NHSL1: variants seen among roughly 807,000 people sequenced by gnomAD.
NHSL1 encodes NHS-like protein 1.
NHSL1 carries 48 observed loss-of-function variants against 95.0 expected under a neutral mutation model. That is an observed-to-expected ratio of 0.51 (90% confidence interval 0.40 to 0.64). The LOEUF (loss-of-function observed/expected upper bound fraction) is 0.64. Among genes scored for constraint, NHSL1 ranks in the 30% least tolerant of loss-of-function variants. The pLI is 0.00. For missense variants in NHSL1, 1,971 were observed against 2,077.7 expected (o/e 0.95, Z 1.00); for synonymous variants, 783 against 833.9 (o/e 0.94, Z 1.05).
chr6:138,426,044 G>A (rs757619991), intron 7 of NHSL1, among the ~76,000 whole-genome samples: 2 of 152,172 alleles, frequency 1.3e-5, no homozygotes, highest in Non-Finnish European at 2.9e-5. Flanking sequence ...CATTGCCAGT[G>A]ACAAAGAGAT....
chr6:138,666,590 C>CAAAAAAAAAAAAA, intron 1 of NHSL1, among the ~76,000 whole-genome samples: 1 of 89,310 alleles, frequency 1.1e-5, no homozygotes, highest in Non-Finnish European at 2.2e-5. Flanking sequence ...GCCTCCATCT[C>CAAAAAAAAAAAAA]AAAAAAAAAA....
At chr6:138,653,370 A>C (rs1388164808) in intron 1 of NHSL1, among the ~76,000 whole-genome samples, 3 of 152,164 alleles carry the variant, frequency 2.0e-5, no homozygotes, top group Non-Finnish European at 4.4e-5. Context: ...CCTGGCCAAC[A>C]AGGTGAAACC....
At chr6:138,557,068 G>C (rs564421451) in intron 1 of NHSL1, among the ~76,000 whole-genome samples, 1 of 152,264 alleles carries the variant, frequency 6.6e-6, no homozygotes, top group African/African-American at 2.4e-5. Flanking sequence ...TTGAAAACTC[G>C]GAGTGATTTT....
At chr6:138,444,044 A>G (rs901133928) in intron 4 of NHSL1, among the ~76,000 whole-genome samples, 4 of 152,280 alleles carry the variant, frequency 2.6e-5, no homozygotes, top group Admixed American at 2.6e-4. Flanking sequence ...GAGGGTACAG[A>G]CTGTGATGCA....
intron 3 of NHSL1, among the ~76,000 whole-genome samples, chr6:138,461,599 G>C (rs953512171): frequency 3.3e-5 from 5 of 152,156 alleles, no homozygotes; most frequent in Non-Finnish European, 7.3e-5. Flanking sequence ...TGGCAACGTG[G>C]AGGTGACTGG....
At chr6:138,680,866 C>T (rs1193648358) in intron 1 of NHSL1, among the ~76,000 whole-genome samples, 8 of 152,168 alleles carry the variant, frequency 5.3e-5, no homozygotes, top group Non-Finnish European at 8.8e-5. Context: ...ATCTGCCTGC[C>T]TCAGCCTCCC....
In NHSL1 at chr6:138,681,976, C is replaced by T. The variant is rs544698641; in HGVS notation, c.96+10500G>A. ...TGTCTATCCTTCCAAAGTAAGATAC[C>T]GCTTTTCTTTTTTTTTTTTTCTGAG... On this transcript the variant is annotated intron_variant, in intron 1 of 3. Coordinates refer to the NHSL1 transcript ENST00000491526. Among the ~76,000 whole-genome samples, 7 of 126,416 alleles carry T rather than the reference C, an allele frequency of 5.5e-5. No homozygotes were observed. In the East Asian group the frequency reaches 1.2e-3, roughly 22 times the overall value. 82.9% of individuals were successfully genotyped at this position (126,416 alleles called of 152,430 possible).
chr6:138,466,222 T>C (rs908226206), intron 3 of NHSL1, among the ~76,000 whole-genome samples: 3 of 151,734 alleles, frequency 2.0e-5, no homozygotes, highest in Non-Finnish European at 2.9e-5. Context: ...TTTGTATTTT[T>C]AGTACAGACA....
intron 1 of NHSL1, among the ~76,000 whole-genome samples, chr6:138,583,853 A>G (rs975395138): frequency 6.6e-6 from 1 of 152,154 alleles, no homozygotes; most frequent in Non-Finnish European, 1.5e-5. Context: ...AATCTGCCAT[A>G]TGAGGGAGGC....
intron 1 of NHSL1, among the ~76,000 whole-genome samples, chr6:138,567,084 A>ATTT (rs202044250): frequency 1.5e-4 from 21 of 142,294 alleles, no homozygotes; most frequent in African/African-American, 5.9e-4. Flanking sequence ...GAAGGAAGCT[A>ATTT]TTTTTTTTTT....
rs748113531 is a variant in NHSL1, at chr6:138,431,365, G to C, written c.2980C>G (p.Arg994Gly). 5.8e-6 allele frequency: 9 copies of C among 1,545,356 alleles called. No individual in the cohort carries two copies. Among genetic ancestry groups the C allele is most frequent in the African/African-American group, 2.7e-5 (2 of 72,936 alleles). ...GGAAGAATGGGGCTCAGTGCAGGGCGGGGAGGAGAAAGGCACCAATCAGGT... is the reference window on the plus strand; with the variant it reads ...GGAAGAATGGGGCTCAGTGCAGGGCCGGGAGGAGAAAGGCACCAATCAGGT... ...SPPDWCLSPPRPALSPILPDS... is the reference protein window; with the variant it reads ...SPPDWCLSPPGPALSPILPDS... Residue 994 changes from arginine to glycine, a missense_variant, in exon 6 of 8, where the codon CGC becomes GGC. By Grantham distance (125) the Arg-to-Gly change is moderately radical. Coordinates refer to ENST00000343505, the MANE Select transcript of NHSL1 (RefSeq NM_001144060.2). This position sits in a 1 kb window ranked among gnomAD's most constrained non-coding sequence, Gnocchi z 4.0.
intron 1 of NHSL1, among the ~76,000 whole-genome samples, chr6:138,622,528 G>C (rs1784679958): frequency 6.6e-6 from 1 of 152,058 alleles, no homozygotes; most frequent in Non-Finnish European, 1.5e-5. Flanking sequence ...TTCCCACGTG[G>C]GGGTGTTTCA....
chr6:138,548,614 A>G (rs1288403113), upstream of NHSL1, among the ~76,000 whole-genome samples: 1 of 152,254 alleles, frequency 6.6e-6, no homozygotes, highest in East Asian at 1.9e-4. Context: ...TTAGTCTCAC[A>G]GCAGTTCATG....
intron 7 of NHSL1, among the ~76,000 whole-genome samples, chr6:138,428,491 C>T (rs1040183305): frequency 6.6e-6 from 1 of 152,180 alleles, no homozygotes; most frequent in South Asian, 2.1e-4. Context: ...TCTAATGAGA[C>T]TGAAGAAACC....
At chr6:138,468,453 C>G (rs1460135893) in intron 3 of NHSL1, among the ~76,000 whole-genome samples, 1 of 152,200 alleles carries the variant, frequency 6.6e-6, no homozygotes, top group African/African-American at 2.4e-5. Context: ...GGCAGTCAAG[C>G]AAGCATTACT....
At chr6:138,505,569 C>A (rs1780915416) in intron 1 of NHSL1, among the ~76,000 whole-genome samples, 1 of 148,650 alleles carries the variant, frequency 6.7e-6, no homozygotes. Context: ...GCAGGAGAAT[C>A]ACTTGAATCT....
At position 138,424,007 on chromosome 6, in the gene NHSL1, C is replaced by G; in HGVS notation, c.*74G>C. ...GCTCCCCGGGTGAGCCAGGGAAGGGCGCCTAGCAGGCTTCCTAGAGTGCTG... is the reference window on the plus strand; with the variant it reads ...GCTCCCCGGGTGAGCCAGGGAAGGGGGCCTAGCAGGCTTCCTAGAGTGCTG... On this transcript the variant is annotated 3_prime_UTR_variant, in exon 8 of 8. Coordinates refer to ENST00000343505, the MANE Select transcript of NHSL1 (RefSeq NM_001144060.2). This position sits in a 1 kb window ranked among gnomAD's most constrained non-coding sequence, Gnocchi z 5.9. The G allele has an allele frequency of 7.8e-7, 1 of 1,275,588 alleles. No homozygotes were observed. The highest frequency in any genetic ancestry group is 9.9e-7 in the Non-Finnish European group (1 of 1,010,398). The allele number at this position is 1,275,588 out of a possible 1,614,324, so 79.0% of individuals were successfully genotyped here. A position where few individuals can be genotyped will look rare whatever the true frequency, so the allele number is the denominator to read the frequency against.
At chr6:138,656,812 A>C (rs1190932542) in intron 1 of NHSL1, among the ~76,000 whole-genome samples, 2 of 152,200 alleles carry the variant, frequency 1.3e-5, no homozygotes, top group Non-Finnish European at 2.9e-5. Context: ...GCTTCAAAAG[A>C]AGCTGCCAAA....
chr6:138,530,789 G>C (rs1422451408), intron 1 of NHSL1, among the ~76,000 whole-genome samples: 1 of 152,056 alleles, frequency 6.6e-6, no homozygotes, highest in Non-Finnish European at 1.5e-5. Flanking sequence ...ATGGTATAAT[G>C]GACTTTGGGG....
Sources: gnomAD v4.1 joint callset for allele counts (sites outside exome capture counted in the v4.1 genomes callset) on GRCh38, gnomAD v4.1.1 for gene constraint, Gnocchi (gnomAD v3.1) non-coding constraint, MANE v1.5 for transcripts, NCBI Gene and HGNC (gene_info 2026-07-23, HGNC 2026-07-21) for gene names.